The following ATP2B2 variants were observed in gnomAD, a reference collection of about 807,000 sequenced individuals.
The protein encoded by ATP2B2 is plasma membrane calcium-transporting ATPase 2.
In ATP2B2, 15 loss-of-function variants were observed where a neutral mutation model predicts 120.0. That is an observed-to-expected ratio of 0.12 (90% CI 0.08 to 0.19). The LOEUF (loss-of-function observed/expected upper bound fraction) is 0.19. Ranked by LOEUF, ATP2B2 falls within the 10% of genes least tolerant of loss-of-function variation. The pLI, the probability that ATP2B2 is intolerant of heterozygous loss-of-function variation, is 1.00. For synonymous variants in ATP2B2, 694 were observed against 700.3 expected (o/e 0.99, Z 0.14); for missense variants, 1,045 against 1,719.8 (o/e 0.61, Z 6.94).
intron 2 of ATP2B2, among the ~76,000 whole-genome samples, chr3:10,444,014 A>G (rs1008036309): frequency 6.6e-6 from 1 of 152,120 alleles, no homozygotes; most frequent in Non-Finnish European, 1.5e-5. Context: ...CCCTGCATTT[A>G]TTTGAGAAGG....
chr3:10,408,201 C>T (rs1205778014), intron 3 of ATP2B2, among the ~76,000 whole-genome samples: 1 of 152,192 alleles, frequency 6.6e-6, no homozygotes, highest in African/African-American at 2.4e-5. Context: ...TAAAGTGCCA[C>T]GTGTGCTGGG....
chr3:10,605,742 G>A (rs1184622999), intron 2 of ATP2B2, among the ~76,000 whole-genome samples: 1 of 151,350 alleles, frequency 6.6e-6, no homozygotes, highest in Non-Finnish European at 1.5e-5. Context: ...TCCGCCTCCC[G>A]GGTTCAAGTG....
chr3:10,502,711 C>T (rs867416436), intron 1 of ATP2B2, among the ~76,000 whole-genome samples: 9 of 152,356 alleles, frequency 5.9e-5, no homozygotes, highest in East Asian at 1.9e-4. Flanking sequence ...GGGCCACGCC[C>T]GCCTGGGGAA....
intron 1 of ATP2B2, among the ~76,000 whole-genome samples, chr3:10,648,476 T>C (rs947460061): frequency 6.6e-6 from 1 of 152,220 alleles, no homozygotes; most frequent in Non-Finnish European, 1.5e-5. Context: ...TCAAGGCCCA[T>C]GGCTTTGACT....
intron 2 of ATP2B2, among the ~76,000 whole-genome samples, chr3:10,586,674 G>A (rs1365406484): frequency 6.6e-6 from 1 of 152,178 alleles, no homozygotes; most frequent in Non-Finnish European, 1.5e-5. Context: ...CTCAGAAGGA[G>A]GCACAGCTTA....
At chr3:10,430,155 G>A (rs543714371) in intron 2 of ATP2B2, among the ~76,000 whole-genome samples, 1 of 152,256 alleles carries the variant, frequency 6.6e-6, no homozygotes, top group South Asian at 2.1e-4. Flanking sequence ...TCATGGAGAT[G>A]TGCAAGGAGA....
intron 12 of ATP2B2, among the ~76,000 whole-genome samples, chr3:10,368,519 C>T (rs138095827): frequency 6.6e-6 from 1 of 152,124 alleles, no homozygotes; most frequent in African/African-American, 2.4e-5. Context: ...GCAATCAACA[C>T]ATCTACCCAT....
intron 2 of ATP2B2, among the ~76,000 whole-genome samples, chr3:10,578,294 C>T (rs2125556319): frequency 6.6e-6 from 1 of 152,108 alleles, no homozygotes; most frequent in African/African-American, 2.4e-5. Context: ...ACCCTATGGC[C>T]CAGCAATCCC....
chr3:10,353,765 G>A (rs1189335197), intron 14 of ATP2B2, among the ~76,000 whole-genome samples: 8 of 152,230 alleles, frequency 5.3e-5, no homozygotes, highest in Admixed American at 3.3e-4. Context: ...TAATTTTTAC[G>A]GACCCTATAC....
intron 2 of ATP2B2, among the ~76,000 whole-genome samples, chr3:10,564,407 T>A (rs2067966831): frequency 6.6e-6 from 1 of 152,164 alleles, no homozygotes; most frequent in South Asian, 2.1e-4. Flanking sequence ...GCTCCACCGG[T>A]GGCTATTAAG....
At chr3:10,541,160 T>C (rs1329970088) in intron 2 of ATP2B2, among the ~76,000 whole-genome samples, 1 of 152,216 alleles carries the variant, frequency 6.6e-6, no homozygotes, top group Non-Finnish European at 1.5e-5. Context: ...TGTCTTGTTC[T>C]CTTTTTGGTT....
intron 14 of ATP2B2, among the ~76,000 whole-genome samples, chr3:10,355,484 G>T (rs57850451): frequency 0.055 from 8,309 of 152,188 alleles, 761 homozygotes; most frequent in African/African-American, 0.19. Context: ...GTCAACTATC[G>T]CTCTCTCTGG....
At chr3:10,623,959 C>T (rs149225553) in intron 1 of ATP2B2, among the ~76,000 whole-genome samples, 154 of 152,268 alleles carry the variant, frequency 1.0e-3, no homozygotes, top group African/African-American at 3.4e-3. Context: ...TCTTGGGGCC[C>T]GAGTTTCCTT....
intron 1 of ATP2B2, among the ~76,000 whole-genome samples, chr3:10,453,026 T>C (rs2064119520): frequency 6.6e-6 from 1 of 152,216 alleles, no homozygotes; most frequent in Admixed American, 6.5e-5. Flanking sequence ...TACTGATATA[T>C]AACATTGCCT....
chr3:10,447,717 G>A (rs1448947867), intron 2 of ATP2B2, among the ~76,000 whole-genome samples: 3 of 152,210 alleles, frequency 2.0e-5, no homozygotes, highest in Non-Finnish European at 4.4e-5. Flanking sequence ...GTGAGCACAA[G>A]AAGCTGGGAC....
intron 1 of ATP2B2, among the ~76,000 whole-genome samples, chr3:10,485,779 G>C (rs1024114501): frequency 6.6e-6 from 1 of 152,032 alleles, no homozygotes; most frequent in Non-Finnish European, 1.5e-5. Flanking sequence ...CTGCCTTCCC[G>C]GCTCAGGTTG....
chr3:10,524,479 A>T (rs1422366986), intron 3 of ATP2B2, among the ~76,000 whole-genome samples: 1 of 152,122 alleles, frequency 6.6e-6, no homozygotes, highest in African/African-American at 2.4e-5. Flanking sequence ...CGGCATTGAG[A>T]TTTGATCCCT....
At chr3:10,412,711 T>C (rs1213066069) in intron 2 of ATP2B2, among the ~76,000 whole-genome samples, 1 of 152,084 alleles carries the variant, frequency 6.6e-6, no homozygotes, top group Non-Finnish European at 1.5e-5. Flanking sequence ...CAAAGACCAG[T>C]CTGATTCCTG....
At chr3:10,330,496 T>C (rs182974467) in intron 22 of ATP2B2, among the ~76,000 whole-genome samples, 1 of 152,306 alleles carries the variant, frequency 6.6e-6, no homozygotes, top group East Asian at 1.9e-4. Context: ...TGCCTCCTCC[T>C]CTCGTCCCAG....
Sources: gnomAD v4.1 joint callset for allele counts (sites outside exome capture counted in the v4.1 genomes callset) on GRCh38, gnomAD v4.1.1 for gene constraint, MANE v1.5 for transcripts, NCBI Gene and HGNC (gene_info 2026-07-23, HGNC 2026-07-21) for gene names.